The following AGBL4 variants were observed in gnomAD, a reference collection of about 807,000 sequenced individuals.
AGBL4 encodes AGBL carboxypeptidase 4.
Under a neutral mutation model 66.4 loss-of-function variants are expected in AGBL4, and 58 were observed. The ratio of observed to expected loss-of-function variants is 0.87; its 90% CI spans 0.71 to 1.09. AGBL4 has a LOEUF of 1.09. Among genes scored for constraint, AGBL4 ranks in the 50% least tolerant of loss-of-function variants. AGBL4 has a pLI of 0.00. For missense variants in AGBL4, 579 were observed against 631.0 expected (o/e 0.92, Z 0.88); for synonymous variants, 234 against 222.9 (o/e 1.05, Z -0.44).
At chr1:49,249,816 A>G (rs905404723) in intron 3 of AGBL4, among the ~76,000 whole-genome samples, 1 of 152,220 alleles carries the variant, frequency 6.6e-6, no homozygotes, top group African/African-American at 2.4e-5. Flanking sequence ...TATGGAATCA[A>G]CCTAAGTGTG....
At chr1:50,014,051 A>T (rs1235483781) in intron 1 of AGBL4, among the ~76,000 whole-genome samples, 4 of 152,168 alleles carry the variant, frequency 2.6e-5, no homozygotes, top group Non-Finnish European at 5.9e-5. Flanking sequence ...ATTATGTCAC[A>T]CTGTCAACAG....
At chr1:49,273,363 TAAA>T (rs1453247523) in intron 3 of AGBL4, among the ~76,000 whole-genome samples, 1 of 151,476 alleles carries the variant, frequency 6.6e-6, no homozygotes, top group East Asian at 1.9e-4. Context: ...ATATTAAAAA[TAAA>T]AACATTTTTA....
intron 4 of AGBL4, among the ~76,000 whole-genome samples, chr1:49,212,808 G>C (rs934987598): frequency 6.6e-6 from 1 of 152,068 alleles, no homozygotes; most frequent in African/African-American, 2.4e-5. Context: ...TTGGTAGCTA[G>C]GAAACTTATA....
rs200634667 is a variant in AGBL4 at position 48,947,898 on chromosome 1, G to GTT, written c.595-80670_595-80669dup. Among the ~76,000 whole-genome samples the GTT allele has an allele frequency of 1.6e-3, 223 of 142,606 alleles. 1 individual carries two copies. The highest frequency in any genetic ancestry group is 5.5e-3 in the African/African-American group (217 of 39,180). The allele number at this position is 142,606 out of a possible 152,430, so 93.6% of individuals were successfully genotyped here. Reference sequence around the variant, plus strand: ...CTGCTAAATACAGGTTTTTTGTTTTGTTTTTTTTTTTGAGATGGAGTCTCA... The same window carrying GTT: ...CTGCTAAATACAGGTTTTTTGTTTTGTTTTTTTTTTTTTGAGATGGAGTCTCA... On this transcript the variant is annotated intron_variant, in intron 5 of 13. Coordinates refer to ENST00000371839, the MANE Select transcript of AGBL4 (RefSeq NM_032785.4).
At chr1:49,550,781 G>C (rs1414384068) in intron 3 of AGBL4, among the ~76,000 whole-genome samples, 1 of 152,090 alleles carries the variant, frequency 6.6e-6, no homozygotes, top group Non-Finnish European at 1.5e-5. Context: ...AATGTGCCTA[G>C]GCGATGATCT....
At chr1:48,655,628 C>A (rs1646008549) in intron 7 of AGBL4, among the ~76,000 whole-genome samples, 1 of 152,124 alleles carries the variant, frequency 6.6e-6, no homozygotes, top group African/African-American at 2.4e-5. Flanking sequence ...TGACACAGCA[C>A]CTGAAAGTTG....
intron 5 of AGBL4, among the ~76,000 whole-genome samples, chr1:48,966,821 T>C (rs1344742945): frequency 6.6e-6 from 1 of 152,062 alleles, no homozygotes. Context: ...CACAACAGCA[T>C]GCATTTTATT....
intron 11 of AGBL4, among the ~76,000 whole-genome samples, chr1:48,577,357 T>G (rs1185842999): frequency 1.3e-5 from 2 of 152,206 alleles, no homozygotes; most frequent in Admixed American, 1.3e-4. Context: ...TCAACTCTCT[T>G]TATCATCGAC....
At chr1:49,737,335 T>C (rs1050804859) in intron 2 of AGBL4, among the ~76,000 whole-genome samples, 3 of 152,160 alleles carry the variant, frequency 2.0e-5, no homozygotes, top group Admixed American at 6.5e-5. Flanking sequence ...ATATATACCA[T>C]GAAACACTAC....
chr1:49,845,995 G>A, intron 2 of AGBL4: 3 of 1,590,274 alleles, frequency 1.9e-6, no homozygotes, highest in Non-Finnish European at 1.7e-6. Context: ...CTGAGGAGAA[G>A]CCCTACAAAT....
chr1:49,305,612 GAAT>G (rs1644835412), intron 3 of AGBL4, among the ~76,000 whole-genome samples: 2 of 152,010 alleles, frequency 1.3e-5, no homozygotes, highest in Non-Finnish European at 2.9e-5. Context: ...AAGCGGATCA[GAAT>G]AATATGATCA....
chr1:49,571,789 T>A (rs571406374), intron 3 of AGBL4, among the ~76,000 whole-genome samples: 1 of 152,312 alleles, frequency 6.6e-6, no homozygotes, highest in South Asian at 2.1e-4. Context: ...GAAGCATTGC[T>A]GAATTTATCA....
At chr1:48,772,187 G>A (rs1007129229) in intron 6 of AGBL4, among the ~76,000 whole-genome samples, 1 of 152,204 alleles carries the variant, frequency 6.6e-6, no homozygotes, top group Non-Finnish European at 1.5e-5. Context: ...GCACATTCAT[G>A]ACTAATAAAA....
intron 3 of AGBL4, among the ~76,000 whole-genome samples, chr1:49,356,289 C>G (rs548633542): frequency 6.6e-6 from 1 of 152,148 alleles, no homozygotes; most frequent in Admixed American, 6.5e-5. Flanking sequence ...AGGAAGAGAA[C>G]TTGCTTTCTA....
intron 2 of AGBL4, among the ~76,000 whole-genome samples, chr1:49,809,444 A>G (rs1645050529): frequency 6.6e-6 from 1 of 152,066 alleles, no homozygotes. Flanking sequence ...AGTCTCTAAT[A>G]AAGAGTTGGT....
chr1:49,194,845 T>G (rs1200314033), intron 4 of AGBL4, among the ~76,000 whole-genome samples: 2 of 152,044 alleles, frequency 1.3e-5, no homozygotes, highest in Non-Finnish European at 2.9e-5. Context: ...TGATCTGTTT[T>G]TTTTTTTTTT....
At chr1:49,876,877 C>A (rs971874358) in intron 1 of AGBL4, among the ~76,000 whole-genome samples, 2 of 149,992 alleles carry the variant, frequency 1.3e-5, no homozygotes, top group East Asian at 3.9e-4. Context: ...CCTTCACATC[C>A]CTTGTAAGTT....
chr1:49,566,169 T>C (rs76931740), intron 3 of AGBL4, among the ~76,000 whole-genome samples: 1 of 152,188 alleles, frequency 6.6e-6, no homozygotes, highest in East Asian at 1.9e-4. Flanking sequence ...TTTAAGGACT[T>C]CTCTGCATTG....
intron 6 of AGBL4, among the ~76,000 whole-genome samples, chr1:48,790,282 G>A (rs1399153729): frequency 6.6e-6 from 1 of 152,160 alleles, no homozygotes; most frequent in Non-Finnish European, 1.5e-5. Flanking sequence ...ATGCCAGAGA[G>A]TGCTTGTTGC....
Sources: gnomAD v4.1 joint callset for allele counts (sites outside exome capture counted in the v4.1 genomes callset) on GRCh38, gnomAD v4.1.1 for gene constraint, MANE v1.5 for transcripts, NCBI Gene and HGNC (gene_info 2026-07-23, HGNC 2026-07-21) for gene names.